Variants in SDK1 observed in about 807,000 individuals in gnomAD.
SDK1 encodes the protein protein sidekick-1.
Under a neutral mutation model 245.5 loss-of-function variants are expected in SDK1, and 157 were observed. That is an observed-to-expected ratio of 0.64 (90% CI 0.56 to 0.73). The LOEUF (loss-of-function observed/expected upper bound fraction) is 0.73. Among genes scored for constraint, SDK1 ranks in the 30% least tolerant of loss-of-function variants. The pLI, the probability that SDK1 is intolerant of heterozygous loss-of-function variation, is 0.00. For missense variants in SDK1, 3,583 were observed against 3,002.3 expected, an observed-to-expected ratio of 1.19 and a Z score of -4.52; for synonymous variants, 1,647 against 1,278.5, an observed-to-expected ratio of 1.29 and a Z score of -6.15.
At chr7:4,093,865 G>A (rs979247400) in intron 22 of SDK1, among the ~76,000 whole-genome samples, 1 of 152,226 alleles carries the variant, frequency 6.6e-6, no homozygotes, top group South Asian at 2.1e-4. Flanking sequence ...CTTGCAGGAT[G>A]TATGGGGCTT....
chr7:3,933,768 C>G (rs1244880491), intron 5 of SDK1, among the ~76,000 whole-genome samples: 2 of 152,144 alleles, frequency 1.3e-5, no homozygotes, highest in African/African-American at 2.4e-5. Context: ...TGCCTTTCAG[C>G]ATTTGGTTGT....
chr7:4,086,463 G>A (rs970456635), intron 22 of SDK1, among the ~76,000 whole-genome samples: 7 of 152,128 alleles, frequency 4.6e-5, no homozygotes, highest in African/African-American at 1.7e-4. Context: ...GCAGAATTCA[G>A]TCCTTGCAGT....
At chr7:3,672,770 T>C (rs11978123) in intron 4 of SDK1, among the ~76,000 whole-genome samples, 1,909 of 88,852 alleles carry the variant, frequency 0.021, 194 homozygotes, top group Admixed American at 0.05. Flanking sequence ...TATATATATA[T>C]ATATATATAT....
chr7:3,422,747 G>A (rs894871653), intron 1 of SDK1, among the ~76,000 whole-genome samples: 2 of 152,126 alleles, frequency 1.3e-5, no homozygotes, highest in Non-Finnish European at 2.9e-5. Context: ...TAAAAGGTGG[G>A]GGAAAAGCAG....
At chr7:3,682,877 T>G (rs534663166) in intron 4 of SDK1, among the ~76,000 whole-genome samples, 1 of 152,192 alleles carries the variant, frequency 6.6e-6, no homozygotes, top group South Asian at 2.1e-4. Context: ...TAGCTGGGAC[T>G]ACAGGGGCCT....
intron 5 of SDK1, among the ~76,000 whole-genome samples, chr7:3,825,200 A>T (rs2115065009): frequency 6.6e-6 from 1 of 152,216 alleles, no homozygotes; most frequent in Non-Finnish European, 1.5e-5. Flanking sequence ...GACCCGGGAA[A>T]GCTTTATGAA....
intron 5 of SDK1, among the ~76,000 whole-genome samples, chr7:3,834,999 G>C (rs1035905288): frequency 6.6e-6 from 1 of 152,102 alleles, no homozygotes; most frequent in Non-Finnish European, 1.5e-5. Flanking sequence ...CCAGCCTTTA[G>C]TCCTTTGGTG....
At chr7:3,689,443 G>A (rs1331808761) in intron 4 of SDK1, among the ~76,000 whole-genome samples, 2 of 152,196 alleles carry the variant, frequency 1.3e-5, no homozygotes, top group African/African-American at 4.8e-5. Flanking sequence ...ACAGAGAGAG[G>A]GAGGGGCCTG....
chr7:3,431,573 G>C (rs1214709588), intron 1 of SDK1, among the ~76,000 whole-genome samples: 2 of 152,020 alleles, frequency 1.3e-5, no homozygotes, highest in East Asian at 3.9e-4. Context: ...TATTGTACTT[G>C]TAAAGACAGT....
intron 4 of SDK1, among the ~76,000 whole-genome samples, chr7:3,756,366 C>G (rs1346032370): frequency 6.6e-6 from 1 of 151,422 alleles, no homozygotes; most frequent in Admixed American, 6.6e-5. Flanking sequence ...GAACCTGACT[C>G]CTTTCACATG....
intron 25 of SDK1, among the ~76,000 whole-genome samples, chr7:4,123,610 T>C (rs2128195126): frequency 6.6e-6 from 1 of 152,312 alleles, no homozygotes; most frequent in South Asian, 2.1e-4. Context: ...TCCCTTTCCG[T>C]GACACCTCTC....
At chr7:3,959,248 A>G (rs945668767) in intron 8 of SDK1, among the ~76,000 whole-genome samples, 1 of 152,118 alleles carries the variant, frequency 6.6e-6, no homozygotes, top group Non-Finnish European at 1.5e-5. Flanking sequence ...CAGCAGAGCA[A>G]AAAGGAAGCC....
chr7:3,882,973 TC>T (rs1562511188), intron 5 of SDK1, among the ~76,000 whole-genome samples: 2 of 152,190 alleles, frequency 1.3e-5, no homozygotes, highest in Admixed American at 6.5e-5. Flanking sequence ...TTTCCATAGA[TC>T]AGTTGAAGTG....
chr7:4,254,480 T>A (rs1274601904), intron 44 of SDK1, among the ~76,000 whole-genome samples: 2 of 152,330 alleles, frequency 1.3e-5, no homozygotes, highest in Non-Finnish European at 2.9e-5. Flanking sequence ...TAAAATAATT[T>A]CTATCACTTT....
intron 1 of SDK1, among the ~76,000 whole-genome samples, chr7:3,507,932 G>A (rs754084885): frequency 2.0e-5 from 3 of 152,058 alleles, no homozygotes; most frequent in African/African-American, 7.2e-5. Flanking sequence ...AACCTATCTC[G>A]GTCTTAATCT....
At position 4,166,289 on chromosome 7, in the gene SDK1, G is replaced by A. The variant is rs547843709; in HGVS notation, c.4800+4433G>A. 6.8e-4 allele frequency among the ~76,000 whole-genome samples: 103 copies of A among 152,364 alleles called. No homozygotes were observed. In the South Asian group the frequency reaches 8.9e-3, roughly 13 times the overall value. On this transcript the variant is annotated intron_variant, in intron 32 of 44. Coordinates refer to ENST00000404826, the MANE Select transcript of SDK1 (RefSeq NM_152744.4). Reference sequence around the variant, plus strand: ...CTCTTCACTTGTGCCACCCACAGAGGACCAACACCTGCATGGAGTGCTGAG... The same window carrying A: ...CTCTTCACTTGTGCCACCCACAGAGAACCAACACCTGCATGGAGTGCTGAG...
chr7:3,812,673 A>T (rs980902309), intron 4 of SDK1, among the ~76,000 whole-genome samples: 1 of 152,184 alleles, frequency 6.6e-6, no homozygotes, highest in Non-Finnish European at 1.5e-5. Flanking sequence ...TCCTGCCTCT[A>T]GTTTCTTCCC....
At chr7:3,670,664 T>A (rs1292789647) in intron 4 of SDK1, among the ~76,000 whole-genome samples, 1 of 152,216 alleles carries the variant, frequency 6.6e-6, no homozygotes. Flanking sequence ...TTCTTGTCTC[T>A]GGGAATTCTC....
chr7:4,243,228 G>A (rs78377942), intron 43 of SDK1, among the ~76,000 whole-genome samples: 3,228 of 152,298 alleles, frequency 0.021, 63 homozygotes, highest in South Asian at 0.1. Flanking sequence ...AGAATAGACA[G>A]TCGTTCAGTT....
Sources: gnomAD v4.1 joint callset for allele counts (sites outside exome capture counted in the v4.1 genomes callset) on GRCh38, gnomAD v4.1.1 for gene constraint, MANE v1.5 for transcripts, NCBI Gene and HGNC (gene_info 2026-07-23, HGNC 2026-07-21) for gene names.